SLC25A17: variants seen among roughly 807,000 people sequenced by gnomAD.
SLC25A17 encodes peroxisomal membrane protein PMP34.
SLC25A17 carries 26 observed loss-of-function variants against 38.5 expected under a neutral mutation model. The ratio of observed to expected loss-of-function variants is 0.68; its 90% confidence interval spans 0.50 to 0.94. The LOEUF is 0.94. SLC25A17 is among the 40% of genes least tolerant of loss of function. The pLI, the probability that SLC25A17 is intolerant of heterozygous loss-of-function variation, is 0.00. For missense variants in SLC25A17, 333 were observed against 372.7 expected, an observed-to-expected ratio of 0.89 and a Z score of 0.88; for synonymous variants, 139 against 136.2, an observed-to-expected ratio of 1.02 and a Z score of -0.14.
In SLC25A17 at chr22:40,770,772, C is replaced by T. The variant is rs2057173494; in HGVS notation, c.*62G>A. On this transcript the variant is annotated 3_prime_UTR_variant, in exon 9 of 9. Coordinates refer to ENST00000435456, the MANE Select transcript of SLC25A17 (RefSeq NM_006358.4). ...AGCCAGAGTCAAGGGAGAATCACTT[C>T]TCTTCACTCAGGAGGAAACCTCCCT... The T allele has an allele frequency of 1.2e-5, 18 of 1,512,948 alleles. No individual in the cohort carries two copies. Among genetic ancestry groups the T allele is most frequent in the Non-Finnish European group, 1.4e-5 (16 of 1,116,620 alleles). The allele number at this position is 1,512,948 out of a possible 1,614,324, so 93.7% of individuals were successfully genotyped here. A position where few individuals can be genotyped will look rare whatever the true frequency, so the allele number is the denominator to read the frequency against.
intron 1 of SLC25A17, among the ~76,000 whole-genome samples, chr22:40,811,511 C>T (rs2057581133): frequency 6.6e-6 from 1 of 151,842 alleles, no homozygotes; most frequent in Admixed American, 6.6e-5. Flanking sequence ...CTCACTGCAA[C>T]CTTGGCTTCC....
At chr22:40,791,390 A>G (rs1220987546) in intron 4 of SLC25A17, among the ~76,000 whole-genome samples, 1 of 152,116 alleles carries the variant, frequency 6.6e-6, no homozygotes, top group African/African-American at 2.4e-5. Context: ...ATTAGCCTAA[A>G]CTCAGAGATA....
At chr22:40,794,654 CTG>C in intron 2 of SLC25A17, 74 bp from the exon 3 acceptor site, 2 of 805,476 alleles carry the variant, frequency 2.5e-6, no homozygotes, top group Non-Finnish European at 3.9e-6. Context: ...GAGTCTCACT[CTG>C]TCGCCCAGGC....
At chr22:40,782,221 A>AAACAAC (rs57313774) in intron 4 of SLC25A17, among the ~76,000 whole-genome samples, 2,954 of 150,000 alleles carry the variant, frequency 0.02, 32 homozygotes, top group East Asian at 0.027. Flanking sequence ...CCCCATCTCA[A>AAACAAC]AACAACAACA....
chr22:40,797,863 T>G (rs1299231809), intron 2 of SLC25A17, among the ~76,000 whole-genome samples: 1 of 152,132 alleles, frequency 6.6e-6, no homozygotes, highest in African/African-American at 2.4e-5. Flanking sequence ...CAAATGCACA[T>G]GGGTTTTTCT....
In SLC25A17 at chr22:40,774,014, C is replaced by A; in HGVS notation, c.699G>T (p.Gly233=). ...TGTTTTCTGGGTTTAGTCTATGACG[C>A]CCAAACTGAGGAAAGAGGGAAAAAA... ...LQTVQSILRF[G]RHRLNPENRT... is the part of the protein sequence containing the mutation. The change falls in exon 8 of 9, where the codon GGG becomes GGT. Residue 233 remains glycine (G), a synonymous_variant. Coordinates refer to ENST00000435456, the MANE Select transcript of SLC25A17 (RefSeq NM_006358.4). 1 of 1,608,870 alleles carries A rather than the reference C, an allele frequency of 6.2e-7. No homozygotes were observed. Among genetic ancestry groups the A allele is most frequent in the Admixed American group, 1.7e-5 (1 of 59,742 alleles).
At chr22:40,785,341 G>A (rs774978656) in intron 4 of SLC25A17, among the ~76,000 whole-genome samples, 7 of 152,170 alleles carry the variant, frequency 4.6e-5, no homozygotes, top group African/African-American at 7.2e-5. Flanking sequence ...CGGAGATCGC[G>A]CCACTGCACT....
chr22:40,785,966 T>A (rs1443920434), intron 4 of SLC25A17, among the ~76,000 whole-genome samples: 1 of 152,112 alleles, frequency 6.6e-6, no homozygotes, highest in Non-Finnish European at 1.5e-5. Flanking sequence ...TCACACTGGC[T>A]GCTGTGCTGA....
chr22:40,771,497 A>C (rs1180795010), intron 8 of SLC25A17, among the ~76,000 whole-genome samples: 1 of 152,238 alleles, frequency 6.6e-6, no homozygotes, highest in Non-Finnish European at 1.5e-5. Flanking sequence ...AAAATGTGGT[A>C]CTTATACAAA....
chr22:40,772,869 C>T (rs1254251297), intron 8 of SLC25A17, among the ~76,000 whole-genome samples: 3 of 152,092 alleles, frequency 2.0e-5, no homozygotes, highest in African/African-American at 7.2e-5. Context: ...GAACTCCTGG[C>T]CTCAAGCTAT....
At chr22:40,774,641 T>C (rs932589546) in intron 7 of SLC25A17, among the ~76,000 whole-genome samples, 6 of 152,240 alleles carry the variant, frequency 3.9e-5, no homozygotes, top group Non-Finnish European at 7.3e-5. Flanking sequence ...ATATTGATGG[T>C]AATAACTTCC....
At chr22:40,802,828 A>T (rs2057494873) in intron 1 of SLC25A17, among the ~76,000 whole-genome samples, 1 of 152,214 alleles carries the variant, frequency 6.6e-6, no homozygotes. Flanking sequence ...AAAGGGGTCT[A>T]ATTGGTAGAT....
intron 1 of SLC25A17, among the ~76,000 whole-genome samples, chr22:40,817,529 A>G (rs534869542): frequency 2.0e-5 from 3 of 152,272 alleles, no homozygotes; most frequent in South Asian, 4.1e-4. Context: ...TCTCCTTCAC[A>G]GCCTCTGCCA....
At chr22:40,818,706 GA>G (rs397868143) in intron 1 of SLC25A17, among the ~76,000 whole-genome samples, 3,114 of 93,102 alleles carry the variant, frequency 0.033, 66 homozygotes, top group African/African-American at 0.08. Flanking sequence ...ACCCTGTCCG[GA>G]AAAAAAAAAA....
intron 4 of SLC25A17, among the ~76,000 whole-genome samples, chr22:40,784,801 A>AAAAAG (rs1569403021): frequency 6.6e-6 from 1 of 151,470 alleles, no homozygotes; most frequent in African/African-American, 2.4e-5. Flanking sequence ...AAAAAAAAAA[A>AAAAAG]AAAAGAAAAG....
intron 1 of SLC25A17, among the ~76,000 whole-genome samples, chr22:40,807,638 A>G (rs747746102): frequency 3.9e-5 from 6 of 152,036 alleles, no homozygotes; most frequent in Non-Finnish European, 7.4e-5. Flanking sequence ...AGTCCCAGCT[A>G]CTCAGGAGGC....
chr22:40,816,261 A>T (rs2057638781), intron 1 of SLC25A17, among the ~76,000 whole-genome samples: 1 of 152,108 alleles, frequency 6.6e-6, no homozygotes, highest in Non-Finnish European at 1.5e-5. Flanking sequence ...AACAAGTGAA[A>T]AAAAGAAGTA....
intron 7 of SLC25A17, among the ~76,000 whole-genome samples, chr22:40,776,501 C>A (rs1644745000): frequency 6.6e-6 from 1 of 152,250 alleles, no homozygotes; most frequent in Non-Finnish European, 1.5e-5. Context: ...CTTGTCTCCA[C>A]ATCTGTGTTT....
chr22:40,808,633 C>T (rs972403732), intron 1 of SLC25A17, among the ~76,000 whole-genome samples: 7 of 152,184 alleles, frequency 4.6e-5, no homozygotes, highest in Non-Finnish European at 7.3e-5. Flanking sequence ...TCTCATGCTA[C>T]GCATCTCTGT....
Sources: allele counts gnomAD v4.1 joint callset (sites outside exome capture counted in the v4.1 genomes callset), GRCh38; gene constraint gnomAD v4.1.1; transcripts MANE v1.5; gene names NCBI Gene and HGNC (gene_info 2026-07-23, HGNC 2026-07-21).